Variants in ZNF687 observed in about 807,000 individuals in gnomAD.
ZNF687 encodes zinc finger protein 687.
ZNF687 carries 13 observed loss-of-function variants against 71.8 expected under a neutral mutation model. The ratio of observed to expected loss-of-function variants is 0.18; its 90% CI spans 0.12 to 0.29. The LOEUF (loss-of-function observed/expected upper bound fraction) is 0.29. Among genes scored for constraint, ZNF687 ranks in the 10% least tolerant of loss-of-function variants. ZNF687 has a pLI of 1.00. For synonymous variants in ZNF687, 673 were observed against 641.6 expected (o/e 1.05, Z -0.74); for missense variants, 1,412 against 1,625.6 (o/e 0.87, Z 2.26).
In ZNF687 at chr1:151,291,402, T is replaced by G; in HGVS notation, c.*193T>G. The G allele has an allele frequency of 1.4e-6, 1 of 705,554 alleles. No individual in the cohort carries two copies. Among genetic ancestry groups the G allele is most frequent in the Non-Finnish European group, 2.3e-6 (1 of 442,910 alleles). The allele number at this position is 705,554 out of a possible 1,614,324, so 43.7% of individuals were successfully genotyped here. A position where few individuals can be genotyped will look rare whatever the true frequency, so the allele number is the denominator to read the frequency against. The stretch of plus-strand genomic sequence containing the variant: ...CCTCCCTTTGGGTTTGGCCCTGGAG[T>G]CCTAGTAGAGTGGACCCTCCATTCC... On this transcript the variant is annotated 3_prime_UTR_variant, in exon 9 of 9. Transcript: ENST00000336715.
chr1:151,282,988 C>T (rs775763919), intron 1 of ZNF687: 34 of 411,758 alleles, frequency 8.3e-5, no homozygotes, highest in Non-Finnish European at 1.1e-4. Context: ...CGTCCCCTCT[C>T]TCCTCCCCTC....
At chr1:151,290,044 G>A (rs781154421) in intron 6 of ZNF687, 37 bp downstream of exon 6, 1 of 1,604,042 alleles carries the variant, frequency 6.2e-7, no homozygotes, top group African/African-American at 1.3e-5. Flanking sequence ...TGGGCTGGGG[G>A]CAGCATTGGG....
chr1:151,281,553 C>G (rs986280603), upstream of ZNF687: 13 of 471,116 alleles, frequency 2.8e-5, no homozygotes, highest in Admixed American at 2.3e-4. Context: ...CTTTAGGTCC[C>G]GATTCCTTCC....
At chr1:151,284,907 T>TCCTCCCATGTC (rs1693879546) in intron 1 of ZNF687, among the ~76,000 whole-genome samples, 1 of 139,722 alleles carries the variant, frequency 7.2e-6, no homozygotes, top group Non-Finnish European at 1.5e-5. Context: ...CCTCCCGGGC[T>TCCTCCCATGTC]CAGGGGATCC....
At position 151,291,184 on chromosome 1, in the gene ZNF687, G is replaced by A. The variant is rs769565828; in HGVS notation, c.3689G>A (p.Arg1230Gln). 17 of 1,611,934 alleles carry A rather than the reference G, an allele frequency of 1.1e-5. No individual in the cohort carries two copies. The highest frequency in any genetic ancestry group is 1.6e-4 in the Middle Eastern group (1 of 6,074). Residue 1230 changes from arginine to glutamine, a missense_variant, in exon 9 of 9, where the codon CGG (arginine) becomes CAG (glutamine). Arg to Gln is a conservative substitution (Grantham distance 43). Around this residue, in one of 8 missense-constraint regions of ZNF687, gnomAD observed 284 missense variants for 359.2 expected, o/e 0.79. Transcript: ENST00000336715. Reference protein sequence around the residue: ...RTHGMAFIRARQGAVGDN With the variant: ...RTHGMAFIRAQQGAVGDN The stretch of plus-strand genomic sequence containing the variant: ...CATGGCATGGCGTTCATCAGGGCTC[G>A]GCAGGGGGCTGTTGGGGACAACTAG...
chr1:151,288,491 C>T, intron 2 of ZNF687, 37 bp from the exon 3 acceptor site: 1 of 1,580,552 alleles, frequency 6.3e-7, no homozygotes, highest in Admixed American at 1.7e-5. Flanking sequence ...AGACAGGACA[C>T]TCCTCACCGA....
In ZNF687 at chr1:151,284,302, G is replaced by A. The variant is rs587609832; in HGVS notation, c.-18+1907G>A. ...GGGAGTTTTAGCCTCGGGAAAGCAA[G>A]ATGGGGAGGGGTGGAGAAGGAAGGG... is the stretch of plus-strand genomic sequence containing the variant. On this transcript the variant is annotated intron_variant, in intron 1 of 8. Coordinates refer to ENST00000336715, the MANE Select transcript of ZNF687 (RefSeq NM_020832.3). 2.0e-4 allele frequency: 200 copies of A among 981,194 alleles called. 1 individual carries two copies. The Middle Eastern group carries it at 7.3e-3, about 36-fold the overall frequency. The allele number at this position is 981,194 out of a possible 1,614,324, so 60.8% of individuals were successfully genotyped here. A position where few individuals can be genotyped will look rare whatever the true frequency, so the allele number is the denominator to read the frequency against.
chr1:151,287,196 C>T lies in ZNF687; in HGVS notation c.905C>T (p.Pro302Leu), dbSNP rs1205353268. The change falls in exon 2 of 9, where the codon CCC becomes CTC. Residue 302 changes from proline to leucine, a missense_variant. Transcript: ENST00000336715. The surrounding 1 kb of genome is among the most constrained non-coding windows in gnomAD (Gnocchi z 5.0). Reference protein sequence around the residue: ...GPVDKSSPGSPQSPSSGAEAA... With the variant: ...GPVDKSSPGSLQSPSSGAEAA... ...GTGGACAAGTCTTCCCCAGGAAGTC[C>T]CCAGAGTCCCTCTAGTGGGGCCGAG... The T allele has an allele frequency of 6.2e-7, 1 of 1,614,066 alleles. No homozygotes were observed. Among genetic ancestry groups the T allele is most frequent in the Non-Finnish European group, 8.5e-7 (1 of 1,180,026 alleles).
In ZNF687 at chr1:151,289,285, G is replaced by A; in HGVS notation, c.2471+14G>A. 3.7e-6 allele frequency: 6 copies of A among 1,613,306 alleles called. No homozygotes were observed. Among genetic ancestry groups the A allele is most frequent in the Non-Finnish European group, 5.1e-6 (6 of 1,179,538 alleles). On this transcript the variant is annotated intron_variant, in intron 4 of 8. Transcript: ENST00000336715. ...TCAGCAGGCCAAGTGAGGCCCGGGG[G>A]AGGGCCGGGCTGGGCCAGGGAGGGC...
rs769840592 is a variant in ZNF687, at chr1:151,289,672, TCA to T, written c.2635-3_2635-2del. On this transcript the variant is annotated splice_region_variant and splice_polypyrimidine_tract_variant and intron_variant, in intron 5 of 8. Transcript: ENST00000336715. The stretch of plus-strand genomic sequence containing the variant: ...CAACAGCAACCTCCCTTGTCTCCTC[TCA>T]CAGAACACCCATCAGTCTGGGCGCT... The T allele has an allele frequency of 4.4e-6, 7 of 1,577,532 alleles. No homozygotes were observed. In the East Asian group the frequency reaches 1.2e-4, roughly 26 times the overall value.
In ZNF687 at chr1:151,288,298, T is replaced by C; in HGVS notation, c.2007T>C (p.Ala669=). ...TEPPAAPATS[A]YTCFRCLECK... Reference sequence around the variant, plus strand: ...CGCCTGCTGCCCCGGCCACCTCTGCTTACACATGCTTTCGCTGCCTGGAGT... The same window carrying C: ...CGCCTGCTGCCCCGGCCACCTCTGCCTACACATGCTTTCGCTGCCTGGAGT... Residue 669 remains alanine (A), a synonymous_variant, in exon 2 of 9, where the codon GCT becomes GCC. Coordinates refer to ENST00000336715, the MANE Select transcript of ZNF687 (RefSeq NM_020832.3). 6.2e-7 allele frequency: 1 copy of C among 1,613,332 alleles called. No individual in the cohort carries two copies. Among genetic ancestry groups the C allele is most frequent in the Non-Finnish European group, 8.5e-7 (1 of 1,179,996 alleles).
chr1:151,283,406 G>T (rs1693809989), intron 1 of ZNF687: 2 of 730,882 alleles, frequency 2.7e-6, no homozygotes, highest in South Asian at 1.2e-4. Context: ...AGGGAAAGGG[G>T]GCGGGGGAGA....
Position 151,289,274 on chromosome 1 carries a change from G to A in ZNF687, c.2471+3G>A, listed in dbSNP as rs1440145498. 2 of 1,613,574 alleles carry A rather than the reference G, an allele frequency of 1.2e-6. No homozygotes were observed. Among genetic ancestry groups the A allele is most frequent in the African/African-American group, 2.7e-5 (2 of 74,942 alleles). On this transcript the variant is annotated splice_donor_region_variant and intron_variant, in intron 4 of 8. Transcript: ENST00000336715. ...AGCTTCCAAACTCAGCAGGCCAAGT[G>A]AGGCCCGGGGGAGGGCCGGGCTGGG...
rs1181472985 is a variant in ZNF687 at position 151,288,163 on chromosome 1, C to T, written c.1872C>T (p.Val624=). ...TPLLPVAVPP[V]SGPLALPALG... ...TGCTGCCTGTAGCTGTCCCACCTGT[C>T]TCTGGACCTCTGGCCTTGCCTGCCT... Residue 624 remains valine, a synonymous_variant, in exon 2 of 9, where the codon GTC becomes GTT. Coordinates refer to ENST00000336715, the MANE Select transcript of ZNF687 (RefSeq NM_020832.3). The T allele has an allele frequency of 1.2e-6, 2 of 1,613,760 alleles. No homozygotes were observed. Among genetic ancestry groups the T allele is most frequent in the Non-Finnish European group, 1.7e-6 (2 of 1,179,960 alleles).
rs1353906696 is a variant in ZNF687 at position 151,289,749 on chromosome 1, G to T, written c.2706G>T (p.Lys902Asn). The T allele has an allele frequency of 1.9e-6, 3 of 1,559,644 alleles. 1 individual carries two copies. The Admixed American group carries it at 5.8e-5, about 30-fold the overall frequency. ...CCGGGGGTGCCCTGCTGACCCCCAA[G>T]ACTGAGCCTGAGGAGCTGGCTGTTT... is the stretch of plus-strand genomic sequence containing the variant. ...KGAGGALLTP[K>N]TEPEELAVSQ... The change falls in exon 6 of 9, where the codon AAG becomes AAT. Residue 902 changes from lysine (K) to asparagine (N), a missense_variant. By Grantham distance (94) the Lys-to-Asn change is moderately conservative. Around this residue, in one of 8 missense-constraint regions of ZNF687, gnomAD observed 135 missense variants for 104.1 expected, o/e 1.30. Coordinates refer to ENST00000336715, the MANE Select transcript of ZNF687 (RefSeq NM_020832.3).
In ZNF687 at chr1:151,287,309, G is replaced by A. The variant is rs761274422; in HGVS notation, c.1018G>A (p.Gly340Arg). Residue 340 changes from glycine (G) to arginine (R), a missense_variant, in exon 2 of 9, where the codon GGG (glycine) becomes AGG (arginine). By Grantham distance (125) the Gly-to-Arg change is moderately radical. Transcript: ENST00000336715. The surrounding 1 kb of genome is among the most constrained non-coding windows in gnomAD (Gnocchi z 5.0). ...VRIKTIKTSC[G>R]NITRTVTQVP... ...GATCAAGACCATTAAAACATCCTGC[G>A]GGAATATCACAAGGACTGTAACTCA... 15 of 1,614,170 alleles carry A rather than the reference G, an allele frequency of 9.3e-6. No homozygotes were observed. Among genetic ancestry groups the A allele is most frequent in the South Asian group, 5.5e-5 (5 of 91,086 alleles).
rs1693997872 is a variant in ZNF687, at chr1:151,287,374, G to A, written c.1083G>A (p.Glu361=). 1 of 1,614,160 alleles carries A rather than the reference G, an allele frequency of 6.2e-7. No homozygotes were observed. Among genetic ancestry groups the A allele is most frequent in the Non-Finnish European group, 8.5e-7 (1 of 1,180,030 alleles). ...CTGATCCACCTGCCCCCTTGGCTGA[G>A]GGGGCCTTCTTGGCTGAGGCTAGCC... ...SDPDPPAPLA[E]GAFLAEASLL... Residue 361 remains glutamate, a synonymous_variant, in exon 2 of 9, where the codon GAG becomes GAA. Transcript: ENST00000336715. This position sits in a 1 kb window ranked among gnomAD's most constrained non-coding sequence, Gnocchi z 5.0.
At position 151,282,495 on chromosome 1, in the gene ZNF687, C is replaced by G. The variant is rs962285269; in HGVS notation, c.-18+100C>G. The G allele has an allele frequency of 3.4e-6, 3 of 871,842 alleles. No individual in the cohort carries two copies. In the South Asian group the frequency reaches 1.5e-4, roughly 44 times the overall value. The allele number at this position is 871,842 out of a possible 1,614,324, so 54.0% of individuals were successfully genotyped here. ...CCCCCACTTGGTCAACTACCCCCTTCTCCGCGCCGCCCCCTGGGGCGGCTT... is the reference window on the plus strand; with the variant it reads ...CCCCCACTTGGTCAACTACCCCCTTGTCCGCGCCGCCCCCTGGGGCGGCTT... On this transcript the variant is annotated intron_variant, in intron 1 of 8. Transcript: ENST00000336715.
Position 151,290,755 on chromosome 1 carries a change from G to A in ZNF687, c.3260G>A (p.Ser1087Asn). ...CGCCGCCAGTCTTCTGACTCTTGCAGTGAGGAGCCTGACAGCACGACACCG... is the reference window on the plus strand; with the variant it reads ...CGCCGCCAGTCTTCTGACTCTTGCAATGAGGAGCCTGACAGCACGACACCG... The part of the protein sequence containing the change: ...RKRRQSSDSC[S>N]EEPDSTTPPA... Residue 1087 changes from serine to asparagine, a missense_variant, in exon 9 of 9, where the codon AGT (serine) becomes AAT (asparagine). Physicochemically the swap from Ser to Asn is conservative, Grantham distance 46 (BLOSUM62 1). Around this residue, in one of 8 missense-constraint regions of ZNF687, gnomAD observed 284 missense variants for 359.2 expected, o/e 0.79. Coordinates refer to ENST00000336715, the MANE Select transcript of ZNF687 (RefSeq NM_020832.3). 6.2e-7 allele frequency: 1 copy of A among 1,612,582 alleles called. No individual in the cohort carries two copies. Among genetic ancestry groups the A allele is most frequent in the Non-Finnish European group, 8.5e-7 (1 of 1,179,308 alleles).
Sources: allele counts gnomAD v4.1 joint callset (sites outside exome capture counted in the v4.1 genomes callset), GRCh38; gene constraint gnomAD v4.1.1; regional missense constraint gnomAD v4.1.1; non-coding constraint Gnocchi (gnomAD v3.1); transcripts MANE v1.5; gene names NCBI Gene and HGNC (gene_info 2026-07-23, HGNC 2026-07-21).